The following DOCK3 variants were observed in gnomAD, a reference collection of about 807,000 sequenced individuals.
DOCK3 encodes the protein dedicator of cytokinesis protein 3.
In DOCK3, 60 loss-of-function variants were observed where a neutral mutation model predicts 265.6. That is an observed-to-expected ratio of 0.23 (90% confidence interval 0.18 to 0.28). DOCK3 has a LOEUF of 0.28. Ranked by LOEUF, DOCK3 falls within the 10% of genes least tolerant of loss-of-function variation. The probability of loss-of-function intolerance (pLI) is 1.00; values close to 1 mark genes in which losing one functional copy is unlikely to be tolerated. For synonymous variants in DOCK3, 881 were observed against 938.0 expected, an observed-to-expected ratio of 0.94 and a Z score of 1.11; for missense variants, 1,981 against 2,594.3, an observed-to-expected ratio of 0.76 and a Z score of 5.14.
At chr3:50,784,573 T>G (rs4423762) in intron 2 of DOCK3, among the ~76,000 whole-genome samples, 1 of 152,110 alleles carries the variant, frequency 6.6e-6, no homozygotes, top group Admixed American at 6.6e-5. Flanking sequence ...TGATGGGAAT[T>G]GCATTAAATT....
intron 5 of DOCK3, among the ~76,000 whole-genome samples, chr3:51,052,557 A>G (rs1376486623): frequency 1.3e-5 from 2 of 152,204 alleles, no homozygotes; most frequent in Admixed American, 6.5e-5. Flanking sequence ...ACGCAACATA[A>G]TGCCTTTAAT....
chr3:50,983,875 C>T (rs959650805), intron 5 of DOCK3, among the ~76,000 whole-genome samples: 4 of 152,100 alleles, frequency 2.6e-5, no homozygotes, highest in African/African-American at 4.8e-5. Flanking sequence ...GGGTATGACT[C>T]GAGCCAGGGC....
intron 19 of DOCK3, among the ~76,000 whole-genome samples, chr3:51,229,915 C>G (rs1180470226): frequency 6.6e-6 from 1 of 152,142 alleles, no homozygotes. Context: ...CTCTGGTATT[C>G]CTCATTGCAC....
At chr3:50,777,789 ATTTG>A (rs1197339803) in intron 1 of DOCK3, among the ~76,000 whole-genome samples, 57 of 152,066 alleles carry the variant, frequency 3.7e-4, no homozygotes, top group Non-Finnish European at 5.4e-4. Context: ...ACTTTACTGA[ATTTG>A]TTTGTTAGAT....
intron 5 of DOCK3, among the ~76,000 whole-genome samples, chr3:51,015,145 C>T (rs1243627991): frequency 6.6e-6 from 1 of 151,978 alleles, no homozygotes; most frequent in Admixed American, 6.6e-5. Flanking sequence ...CTAATTGCTC[C>T]AGCTAGGACT....
At chr3:51,027,437 G>T (rs531372578) in intron 5 of DOCK3, among the ~76,000 whole-genome samples, 2 of 151,900 alleles carry the variant, frequency 1.3e-5, no homozygotes, top group Non-Finnish European at 2.9e-5. Context: ...GATTTTAGGT[G>T]GGGTATTCTG....
At chr3:50,942,574 G>A (rs575684579) in intron 5 of DOCK3, among the ~76,000 whole-genome samples, 1 of 152,076 alleles carries the variant, frequency 6.6e-6, no homozygotes, top group East Asian at 1.9e-4. Flanking sequence ...TGATGTTAAT[G>A]CTACAGAGTT....
chr3:50,787,872 C>A (rs6446220), intron 2 of DOCK3: 4 of 1,061,608 alleles, frequency 3.8e-6, no homozygotes, highest in African/African-American at 1.6e-5. Flanking sequence ...GAAGAGGTAC[C>A]CTTTTCCCCT....
intron 4 of DOCK3, among the ~76,000 whole-genome samples, chr3:50,919,080 G>A (rs1331601965): frequency 6.6e-6 from 1 of 152,086 alleles, no homozygotes; most frequent in Non-Finnish European, 1.5e-5. Context: ...TAGATGTGTG[G>A]TATTATTTCT....
intron 4 of DOCK3, among the ~76,000 whole-genome samples, chr3:50,901,151 C>T (rs2049170377): frequency 6.6e-6 from 1 of 151,648 alleles, no homozygotes; most frequent in African/African-American, 2.4e-5. Flanking sequence ...GGGCTGCTGC[C>T]TTTCTTTTAG....
At chr3:51,176,583 T>C (rs1241934861) in intron 12 of DOCK3, among the ~76,000 whole-genome samples, 1 of 151,798 alleles carries the variant, frequency 6.6e-6, no homozygotes, top group Non-Finnish European at 1.5e-5. Context: ...CTGAGATCGC[T>C]CCACTGCACT....
At chr3:51,256,645 C>T (rs2079567953) in intron 22 of DOCK3, among the ~76,000 whole-genome samples, 1 of 147,738 alleles carries the variant, frequency 6.8e-6, no homozygotes, top group Non-Finnish European at 1.5e-5. Flanking sequence ...GCAGGCTGGA[C>T]TGCAGAGGCA....
At chr3:51,100,260 G>A (rs1452854532) in intron 9 of DOCK3, among the ~76,000 whole-genome samples, 1 of 152,200 alleles carries the variant, frequency 6.6e-6, no homozygotes, top group Non-Finnish European at 1.5e-5. Context: ...GATATTGTAA[G>A]GCAGTAAAAA....
rs1306763589 is a variant in DOCK3, at chr3:50,974,366, A to T, written c.315+40289A>T. 1.4e-3 allele frequency among the ~76,000 whole-genome samples: 215 copies of T among 152,084 alleles called. 3 individuals carry two copies. In the South Asian group the frequency reaches 0.044, roughly 31 times the overall value. ...TTCAGCTTTCTGCATATGGCTAGCC[A>T]GTTTTCCCAGCACCATTTATTAAAT... On this transcript the variant is annotated intron_variant, in intron 5 of 52. Transcript: ENST00000266037.
At position 50,886,185 on chromosome 3, in the gene DOCK3, GAGATAT is replaced by G. The variant is rs567388725; in HGVS notation, c.163-3839_163-3834del. ...GCCTTTCAGAATATTTTTTATTTTGGAGATATATATATATATATATATATTCCAGAG... is the reference window on the plus strand; with the variant it reads ...GCCTTTCAGAATATTTTTTATTTTGGATATATATATATATATATTCCAGAG... On this transcript the variant is annotated intron_variant, in intron 3 of 52. Coordinates refer to ENST00000266037, the MANE Select transcript of DOCK3 (RefSeq NM_004947.5). Among the ~76,000 whole-genome samples the G allele has an allele frequency of 9.1e-3, 1,107 of 121,026 alleles. 61 individuals carry two copies. Among genetic ancestry groups the G allele is most frequent in the Non-Finnish European group, 0.014 (762 of 53,480 alleles). The allele number at this position is 121,026 out of a possible 152,430, so 79.4% of individuals were successfully genotyped here.
rs928630903 is a variant in DOCK3 at position 51,010,241 on chromosome 3, G to C, written c.316-54207G>C. ...GCTGTTAAAGTCTCCCATTATTACT[G>C]TGTGGGAGTCTAAGTCTGTTTGTTG... is the stretch of plus-strand genomic sequence containing the variant. On this transcript the variant is annotated intron_variant, in intron 5 of 52. Transcript: ENST00000266037. Among the ~76,000 whole-genome samples, 4 of 152,226 alleles carry C rather than the reference G, an allele frequency of 2.6e-5. No homozygotes were observed. In the East Asian group the frequency reaches 7.7e-4, roughly 29 times the overall value.
At chr3:50,848,820 G>T (rs1328213375) in intron 3 of DOCK3, among the ~76,000 whole-genome samples, 1 of 152,082 alleles carries the variant, frequency 6.6e-6, no homozygotes, top group Non-Finnish European at 1.5e-5. Flanking sequence ...GAGTTCTTGT[G>T]TCTAGATGTC....
At chr3:51,304,760 G>C (rs2082560812) in intron 27 of DOCK3, among the ~76,000 whole-genome samples, 1 of 152,190 alleles carries the variant, frequency 6.6e-6, no homozygotes, top group African/African-American at 2.4e-5. Context: ...GCACCACCCT[G>C]CTTTTCCTCA....
chr3:51,326,493 A>G (rs4428169), intron 32 of DOCK3, among the ~76,000 whole-genome samples: 132,612 of 152,036 alleles, frequency 0.87, 57,928 homozygotes, highest in East Asian at 0.94. Context: ...TGTTGGTCAG[A>G]CTGGTCTCGA....
Sources: allele counts gnomAD v4.1 joint callset (sites outside exome capture counted in the v4.1 genomes callset), GRCh38; gene constraint gnomAD v4.1.1; transcripts MANE v1.5; gene names NCBI Gene and HGNC (gene_info 2026-07-23, HGNC 2026-07-21).